The following TDRP variants were observed in gnomAD, a reference collection of about 807,000 sequenced individuals.
The protein encoded by TDRP is testis development related protein.
A neutral mutation model predicts 10.5 loss-of-function variants in TDRP; 12 were observed. The ratio of observed to expected loss-of-function variants is 1.15; its 90% CI spans 0.73 to 1.86. The LOEUF (loss-of-function observed/expected upper bound fraction) is 1.86, where lower values mean the gene tolerates loss of function less well. Among genes scored for constraint, TDRP ranks in the 40% most tolerant of loss-of-function variants. TDRP has a pLI of 0.00. For missense variants in TDRP, 353 were observed against 229.2 expected (o/e 1.54, Z -3.49); for synonymous variants, 139 against 95.4 (o/e 1.46, Z -2.67).
intron 1 of TDRP, among the ~76,000 whole-genome samples, chr8:524,990 C>G (rs1802000336): frequency 1.3e-5 from 2 of 151,948 alleles, no homozygotes; most frequent in South Asian, 4.2e-4. Context: ...CAGATTTAAC[C>G]CAAACAAGAC....
chr8:534,972 C>G (rs1409966959), intron 1 of TDRP, among the ~76,000 whole-genome samples: 1 of 152,142 alleles, frequency 6.6e-6, no homozygotes, highest in Admixed American at 6.5e-5. Flanking sequence ...CGACACAACG[C>G]ATTCTGAGTA....
chr8:504,218 T>C (rs1390845952), intron 1 of TDRP, among the ~76,000 whole-genome samples: 1 of 152,200 alleles, frequency 6.6e-6, no homozygotes, highest in Non-Finnish European at 1.5e-5. Flanking sequence ...TTGTTTTTCC[T>C]CCTGTTAATT....
chr8:520,311 T>C (rs1411277005), intron 1 of TDRP, among the ~76,000 whole-genome samples: 1 of 152,184 alleles, frequency 6.6e-6, no homozygotes, highest in Non-Finnish European at 1.5e-5. Context: ...TGAATAATAT[T>C]CCATTGAACA....
At chr8:504,075 G>A (rs1316125848) in intron 1 of TDRP, among the ~76,000 whole-genome samples, 1 of 151,800 alleles carries the variant, frequency 6.6e-6, no homozygotes, top group Admixed American at 6.6e-5. Context: ...ACCTCAGCAA[G>A]CACCAACACG....
chr8:503,489 C>T (rs1048578022), intron 1 of TDRP, among the ~76,000 whole-genome samples: 9 of 148,200 alleles, frequency 6.1e-5, no homozygotes, highest in Non-Finnish European at 1.0e-4. Flanking sequence ...TGCATCGGAA[C>T]ACGTGCCCAC....
intron 1 of TDRP, among the ~76,000 whole-genome samples, chr8:511,672 C>G: frequency 6.6e-6 from 1 of 152,156 alleles, no homozygotes; most frequent in East Asian, 1.9e-4. Flanking sequence ...GATCAGTCTT[C>G]AGGACAGATC....
At chr8:542,844 C>T (rs1188196984) in intron 1 of TDRP, among the ~76,000 whole-genome samples, 2 of 119,492 alleles carry the variant, frequency 1.7e-5, no homozygotes, top group South Asian at 2.9e-4. Context: ...GCGACAAGAG[C>T]GAAACTTCAT....
intron 1 of TDRP, among the ~76,000 whole-genome samples, chr8:501,759 G>A (rs1012377357): frequency 6.6e-6 from 1 of 152,198 alleles, no homozygotes; most frequent in African/African-American, 2.4e-5. Context: ...TCACAGCAGG[G>A]TGACCATGTG....
At chr8:543,403 C>G (rs1187258588) in intron 1 of TDRP, among the ~76,000 whole-genome samples, 3 of 152,140 alleles carry the variant, frequency 2.0e-5, no homozygotes, top group African/African-American at 4.8e-5. Context: ...GTTTAAAATT[C>G]TCAAGGCTCT....
At chr8:494,439 C>T in intron 2 of TDRP, 55 bp downstream of exon 2, 3 of 1,543,726 alleles carry the variant, frequency 1.9e-6, no homozygotes, top group South Asian at 2.3e-5. Context: ...TCCACCTCCT[C>T]AGTGACTTCC....
chr8:498,537 GACTTACCTTGTCTTAGATGAGACT>G (rs1243019676), intron 1 of TDRP, among the ~76,000 whole-genome samples: 2 of 152,154 alleles, frequency 1.3e-5, no homozygotes, highest in Non-Finnish European at 2.9e-5. Flanking sequence ...AGGCAGAAGG[GACTTACCTTGTCTTAGATGAGACT>G]ACTTACCTTG....
At chr8:541,112 A>G (rs1316159108) in intron 1 of TDRP, among the ~76,000 whole-genome samples, 3 of 152,250 alleles carry the variant, frequency 2.0e-5, no homozygotes, top group Non-Finnish European at 2.9e-5. Flanking sequence ...ATGAATTTCA[A>G]AATTTAATTC....
At chr8:495,552 T>A (rs1801101585) in intron 1 of TDRP, among the ~76,000 whole-genome samples, 2 of 152,226 alleles carry the variant, frequency 1.3e-5, no homozygotes, top group South Asian at 4.1e-4. Flanking sequence ...GAAAACCATC[T>A]GAAAATCCGG....
chr8:512,070 T>C (rs1387996346), intron 1 of TDRP, among the ~76,000 whole-genome samples: 1 of 151,432 alleles, frequency 6.6e-6, no homozygotes, highest in Admixed American at 6.6e-5. Flanking sequence ...AAGCACAAAT[T>C]AATCAATAGA....
At chr8:498,536 G>T in intron 1 of TDRP, among the ~76,000 whole-genome samples, 1 of 152,270 alleles carries the variant, frequency 6.6e-6, no homozygotes, top group South Asian at 2.1e-4. Context: ...TAGGCAGAAG[G>T]GACTTACCTT....
intron 1 of TDRP, among the ~76,000 whole-genome samples, chr8:509,161 T>C (rs1354422554): frequency 6.6e-6 from 1 of 152,186 alleles, no homozygotes; most frequent in Non-Finnish European, 1.5e-5. Flanking sequence ...ATGGCTGGTA[T>C]TGAGTGTCTG....
chr8:537,322 C>G (rs1802373588), intron 1 of TDRP, among the ~76,000 whole-genome samples: 1 of 152,204 alleles, frequency 6.6e-6, no homozygotes, highest in Non-Finnish European at 1.5e-5. Context: ...GCAGCTGTCC[C>G]AGGACCCTCC....
At chr8:521,567 C>T (rs1488939103) in intron 1 of TDRP, among the ~76,000 whole-genome samples, 1 of 152,244 alleles carries the variant, frequency 6.6e-6, no homozygotes, top group Non-Finnish European at 1.5e-5. Flanking sequence ...GCTTATTTCT[C>T]TCTACTCTGT....
At chr8:535,716 C>T (rs188863159) in intron 1 of TDRP, among the ~76,000 whole-genome samples, 1 of 151,956 alleles carries the variant, frequency 6.6e-6, no homozygotes, top group Non-Finnish European at 1.5e-5. Context: ...CAAGTGCCCA[C>T]CAGAGGCAGG....
Sources: gnomAD v4.1 joint callset for allele counts (sites outside exome capture counted in the v4.1 genomes callset) on GRCh38, gnomAD v4.1.1 for gene constraint, MANE v1.5 for transcripts, NCBI Gene and HGNC (gene_info 2026-07-23, HGNC 2026-07-21) for gene names.